Variants in TMEM182 observed in about 807,000 individuals in gnomAD.
The protein encoded by TMEM182 is transmembrane protein 182.
In TMEM182, 20 loss-of-function variants were observed where a neutral mutation model predicts 26.8. The observed-to-expected ratio is 0.75, with a 90% CI of 0.53 to 1.09. TMEM182 has a LOEUF of 1.09. TMEM182 is among the 50% of genes least tolerant of loss of function. The probability of loss-of-function intolerance (pLI) is 0.00; values close to 1 mark genes in which losing one functional copy is unlikely to be tolerated. For missense variants in TMEM182, 277 were observed against 275.5 expected (o/e 1.01, Z -0.04); for synonymous variants, 109 against 102.2 (o/e 1.07, Z -0.40).
At chr2:102,812,979 G>A (rs768857609) in intron 4 of TMEM182, among the ~76,000 whole-genome samples, 20 of 152,224 alleles carry the variant, frequency 1.3e-4, no homozygotes, top group Admixed American at 3.9e-4. Context: ...GAGGTATGGC[G>A]TTGTAAGGAG....
chr2:102,778,360 T>A (rs925493879), intron 3 of TMEM182, among the ~76,000 whole-genome samples: 3 of 152,022 alleles, frequency 2.0e-5, no homozygotes, highest in Admixed American at 6.5e-5. Context: ...ATAACACTTT[T>A]TCATTCTTTA....
At chr2:102,742,986 G>A (rs1038409095) in intron 1 of TMEM182, among the ~76,000 whole-genome samples, 1 of 152,158 alleles carries the variant, frequency 6.6e-6, no homozygotes, top group Non-Finnish European at 1.5e-5. Flanking sequence ...TTAGTGAACA[G>A]TGTCAGAAAA....
rs112432276 is a variant in TMEM182 at position 102,815,249 on chromosome 2, C to T, written c.*281C>T. ...TGAACATGTTAGAGTTCATGCAGGTCGCAAAGGCCTGATAATAGCTTAATA... is the reference window on the plus strand; with the variant it reads ...TGAACATGTTAGAGTTCATGCAGGTTGCAAAGGCCTGATAATAGCTTAATA... On this transcript the variant is annotated 3_prime_UTR_variant, in exon 5 of 5. Transcript: ENST00000412401. 494 of 1,163,870 alleles carry T rather than the reference C, an allele frequency of 4.2e-4. 1 individual carries two copies. In the African/African-American group the frequency reaches 7.0e-3, roughly 17 times the overall value. 72.1% of individuals were successfully genotyped at this position (1,163,870 alleles called of 1,614,324 possible).
At chr2:102,838,821 C>T (rs2104781705) in intron 3 of TMEM182, among the ~76,000 whole-genome samples, 1 of 152,220 alleles carries the variant, frequency 6.6e-6, no homozygotes, top group Middle Eastern at 3.4e-3. Context: ...ACCATGAGAC[C>T]TCAACCAAGC....
intron 3 of TMEM182, among the ~76,000 whole-genome samples, chr2:102,770,573 T>TAC (rs543524071): frequency 3.1e-4 from 47 of 152,262 alleles, no homozygotes; most frequent in African/African-American, 1.1e-3. Context: ...AGCCAAACCC[T>TAC]ACCTCAGGCT....
At chr2:102,793,810 TAG>T (rs1266908031) in intron 3 of TMEM182, among the ~76,000 whole-genome samples, 2 of 152,188 alleles carry the variant, frequency 1.3e-5, no homozygotes, top group Admixed American at 1.3e-4. Flanking sequence ...AAAACCCAGA[TAG>T]AGAGGGCTGA....
chr2:102,814,742 T>C lies in TMEM182; in HGVS notation c.470-6T>C. ...GGCTAACAGTCTTCTGTTTCATCCT[T>C]CTCAGGCATCCTATTTTCATTGGTG... On this transcript the variant is annotated splice_polypyrimidine_tract_variant and splice_region_variant and intron_variant, in intron 4 of 4. Transcript: ENST00000412401. 1 of 1,611,354 alleles carries C rather than the reference T, an allele frequency of 6.2e-7. No homozygotes were observed. Among genetic ancestry groups the C allele is most frequent in the African/African-American group, 1.3e-5 (1 of 74,972 alleles).
chr2:102,743,833 G>A (rs150416469), intron 1 of TMEM182, among the ~76,000 whole-genome samples: 9 of 152,216 alleles, frequency 5.9e-5, no homozygotes, highest in East Asian at 3.9e-4. Flanking sequence ...CAGACAAGAC[G>A]TATTTCAAAA....
At chr2:102,835,483 A>G (rs894774331) in intron 3 of TMEM182, among the ~76,000 whole-genome samples, 1 of 152,008 alleles carries the variant, frequency 6.6e-6, no homozygotes, top group Admixed American at 6.6e-5. Context: ...CAAGGTCCAT[A>G]GTTTACTGAG....
At chr2:102,758,535 T>G, upstream of TMEM182, 1 of 715,810 alleles carries the variant, frequency 1.4e-6, no homozygotes, top group Non-Finnish European at 2.6e-6. Context: ...AAAGATGGTT[T>G]GAAAACATCT....
chr2:102,758,283 G>A (rs1680107313), upstream of TMEM182: 1 of 506,354 alleles, frequency 2.0e-6, no homozygotes, highest in Non-Finnish European at 3.6e-6. Context: ...GTAAATTTGT[G>A]AAGAACACCA....
At position 102,816,187 on chromosome 2, in the gene TMEM182, G is replaced by A. The variant is rs1162090530; in HGVS notation, c.*1219G>A. 4 of 985,258 alleles carry A rather than the reference G, an allele frequency of 4.1e-6. No homozygotes were observed. Among genetic ancestry groups the A allele is most frequent in the Non-Finnish European group, 4.8e-6 (4 of 829,940 alleles). The allele number at this position is 985,258 out of a possible 1,614,324, so 61.0% of individuals were successfully genotyped here. A position where few individuals can be genotyped will look rare whatever the true frequency, so the allele number is the denominator to read the frequency against. Reference sequence around the variant, plus strand: ...AAATCAAATCCATCTGAGATGCCTAGCTCGTATTTGCATTCTGGAAGCCTC... The same window carrying A: ...AAATCAAATCCATCTGAGATGCCTAACTCGTATTTGCATTCTGGAAGCCTC... On this transcript the variant is annotated 3_prime_UTR_variant, in exon 5 of 5. Transcript: ENST00000412401.
intron 3 of TMEM182, among the ~76,000 whole-genome samples, chr2:102,775,673 T>TAGGCAACTTCAGCAAAGTCTC (rs761079568): frequency 0.039 from 5,975 of 151,902 alleles, 399 homozygotes; most frequent in African/African-American, 0.14. Flanking sequence ...CTTAAGCTGA[T>TAGGCAACTTCAGCAAAGTCTC]AGGCAACTTC....
chr2:102,767,304 C>T (rs1680492622), intron 3 of TMEM182, among the ~76,000 whole-genome samples: 1 of 152,146 alleles, frequency 6.6e-6, no homozygotes, highest in African/African-American at 2.4e-5. Context: ...ATTTGAATGA[C>T]TGGCCAGGCC....
chr2:102,760,695 A>T (rs191904436), upstream of TMEM182, among the ~76,000 whole-genome samples: 5 of 152,038 alleles, frequency 3.3e-5, no homozygotes, highest in East Asian at 9.7e-4. Context: ...GCTCACTGCA[A>T]CCTCAACCTC....
chr2:102,743,600 G>A (rs1679602799), intron 1 of TMEM182, among the ~76,000 whole-genome samples: 1 of 152,120 alleles, frequency 6.6e-6, no homozygotes, highest in Non-Finnish European at 1.5e-5. Flanking sequence ...AACAGATATG[G>A]TAGGTATTCA....
At chr2:102,775,398 AAG>A (rs1412582308) in intron 3 of TMEM182, 2 of 152,228 alleles carry the variant, frequency 1.3e-5, no homozygotes, top group African/African-American at 2.4e-5. Context: ...TCAAAATAAT[AAG>A]AGCTATCTAT....
intron 1 of TMEM182, among the ~76,000 whole-genome samples, chr2:102,748,678 C>T (rs1239583767): frequency 2.0e-5 from 3 of 152,210 alleles, no homozygotes; most frequent in African/African-American, 4.8e-5. Context: ...AGAAGCATTA[C>T]AAGTGTTGTG....
intron 3 of TMEM182, among the ~76,000 whole-genome samples, chr2:102,830,051 G>T (rs1683120784): frequency 6.6e-6 from 1 of 152,200 alleles, no homozygotes; most frequent in African/African-American, 2.4e-5. Flanking sequence ...AGCTGTGTTT[G>T]TTGAGATGTT....
Sources: allele counts gnomAD v4.1 joint callset (sites outside exome capture counted in the v4.1 genomes callset), GRCh38; gene constraint gnomAD v4.1.1; transcripts MANE v1.5; gene names NCBI Gene and HGNC (gene_info 2026-07-23, HGNC 2026-07-21).